The following BRMS1L variants were observed in gnomAD, a reference collection of about 807,000 sequenced individuals.
BRMS1L encodes BRMS1 like transcriptional repressor, also known as breast cancer metastasis-suppressor 1-like protein.
A neutral mutation model predicts 50.3 loss-of-function variants in BRMS1L; 23 were observed. The observed-to-expected ratio is 0.46, with a 90% CI of 0.33 to 0.65. The LOEUF (loss-of-function observed/expected upper bound fraction) is 0.65, where lower values mean the gene tolerates loss of function less well. BRMS1L is among the 30% of genes least tolerant of loss of function. The pLI is 0.02. For missense variants in BRMS1L, 286 were observed against 386.1 expected (o/e 0.74, Z 2.17); for synonymous variants, 114 against 126.9 (o/e 0.90, Z 0.69).
rs80266266 is a variant in BRMS1L, at chr14:35,859,254, G to A, written c.442-3336G>A. ...CCACCGTGCCTGGCCCATCCTACCCGTATTCAAGAAAGAGTATTAGTCTCT... is the reference window on the plus strand; with the variant it reads ...CCACCGTGCCTGGCCCATCCTACCCATATTCAAGAAAGAGTATTAGTCTCT... On this transcript the variant is annotated intron_variant, in intron 4 of 9. Coordinates refer to ENST00000216807, the MANE Select transcript of BRMS1L (RefSeq NM_032352.4). Among the ~76,000 whole-genome samples the A allele has an allele frequency of 5.3e-3, 800 of 152,054 alleles. 10 individuals carry two copies. The highest frequency in any genetic ancestry group is 0.018 in the African/African-American group (736 of 41,508).
chr14:35,868,550 T>TG (rs901007259), intron 9 of BRMS1L, among the ~76,000 whole-genome samples: 112 of 152,276 alleles, frequency 7.4e-4, no homozygotes, highest in African/African-American at 2.6e-3. Flanking sequence ...TTTGGGAAGC[T>TG]GAGGCAGGAT....
intron 6 of BRMS1L, among the ~76,000 whole-genome samples, 175 bp from the exon 7 acceptor site, chr14:35,864,760 A>G (rs1409260811): frequency 1.3e-5 from 2 of 152,200 alleles, no homozygotes; most frequent in Admixed American, 1.3e-4. Context: ...CATCAGAAGT[A>G]CTAGACTGTA....
intron 9 of BRMS1L, among the ~76,000 whole-genome samples, chr14:35,869,960 G>A (rs977116389): frequency 4.6e-5 from 7 of 151,936 alleles, no homozygotes; most frequent in Non-Finnish European, 1.0e-4. Context: ...TATAAGTACC[G>A]TAGATGGTTT....
intron 1 of BRMS1L, among the ~76,000 whole-genome samples, chr14:35,830,709 A>G (rs1331502882): frequency 6.6e-6 from 1 of 152,158 alleles, no homozygotes; most frequent in Non-Finnish European, 1.5e-5. Flanking sequence ...CAGTTCTGAA[A>G]GAAGAATCCC....
intron 8 of BRMS1L, among the ~76,000 whole-genome samples, chr14:35,866,616 G>T (rs1202548584): frequency 6.6e-6 from 1 of 152,004 alleles, no homozygotes; most frequent in Non-Finnish European, 1.5e-5. Flanking sequence ...GAGGTGGGAG[G>T]ATCACCTGAG....
chr14:35,845,021 T>C (rs1016729395), intron 4 of BRMS1L, among the ~76,000 whole-genome samples: 9 of 152,142 alleles, frequency 5.9e-5, no homozygotes, highest in African/African-American at 2.2e-4. Context: ...GTTAGGACTA[T>C]AGGCATATGC....
intron 4 of BRMS1L, among the ~76,000 whole-genome samples, chr14:35,849,268 C>A (rs1325214865): frequency 6.6e-6 from 1 of 152,082 alleles, no homozygotes; most frequent in African/African-American, 2.4e-5. Flanking sequence ...TTCCTGCTAC[C>A]AACACTTGTT....
rs1483392124 is a variant in BRMS1L, at chr14:35,831,494, A to G, written c.227A>G (p.Lys76Arg). The G allele has an allele frequency of 1.9e-6, 3 of 1,610,694 alleles. No homozygotes were observed. Among genetic ancestry groups the G allele is most frequent in the South Asian group, 2.2e-5 (2 of 90,966 alleles). Residue 76 changes from lysine to arginine, a missense_variant, in exon 2 of 10, where the codon AAA becomes AGA. By Grantham distance (26) the Lys-to-Arg change is conservative. This residue lies in a region of BRMS1L where 160 missense variants were observed against 240.6 expected (regional missense o/e 0.66). Coordinates refer to ENST00000216807, the MANE Select transcript of BRMS1L (RefSeq NM_032352.4). ...SNLEKQFTDLKDQLYKERLSQ... is the reference protein window; with the variant it reads ...SNLEKQFTDLRDQLYKERLSQ... ...CTTGAAAAACAGTTTACCGATCTCA[A>G]AGATCAGTAAGTAGTGACTTTAGAA...
At position 35,863,943 on chromosome 14, in the gene BRMS1L, T is replaced by C. The variant is rs1302915590; in HGVS notation, c.612T>C (p.Val204=). The part of the protein sequence containing the change: ...DPFSPDKKKP[V]VVSGPYIVYM... ...TCAGTCCTGACAAAAAGAAGCCAGT[T>C]GTTGTTTCAGATATCCTTTTCCAAA... Residue 204 remains valine (V), a synonymous_variant, in exon 6 of 10, where the codon GTT becomes GTC. Transcript: ENST00000216807. The C allele has an allele frequency of 6.2e-7, 1 of 1,613,736 alleles. No individual in the cohort carries two copies.
intron 4 of BRMS1L, among the ~76,000 whole-genome samples, chr14:35,857,245 A>T (rs1026201812): frequency 6.8e-6 from 1 of 146,326 alleles, no homozygotes; most frequent in African/African-American, 2.6e-5. Flanking sequence ...CGTCTCAAAA[A>T]AAAAAATATA....
intron 4 of BRMS1L, among the ~76,000 whole-genome samples, chr14:35,839,778 C>T (rs10141014): frequency 0.059 from 8,972 of 152,230 alleles, 546 homozygotes; most frequent in African/African-American, 0.15. Flanking sequence ...TGGGCTGAGA[C>T]GATGGGGTTA....
intron 4 of BRMS1L, among the ~76,000 whole-genome samples, chr14:35,851,270 T>A (rs2078207610): frequency 6.6e-6 from 1 of 151,634 alleles, no homozygotes; most frequent in Non-Finnish European, 1.5e-5. Context: ...AAAGGTTGAA[T>A]AAACTCTGCT....
chr14:35,828,471 C>CT (rs780984053), intron 1 of BRMS1L, among the ~76,000 whole-genome samples: 4,186 of 99,252 alleles, frequency 0.042, 365 homozygotes, highest in African/African-American at 0.13. Context: ...CATTCCCAGC[C>CT]TTTTTTTTTT....
chr14:35,844,130 G>A (rs2078100877), intron 4 of BRMS1L, among the ~76,000 whole-genome samples: 1 of 152,162 alleles, frequency 6.6e-6, no homozygotes, highest in African/African-American at 2.4e-5. Context: ...GGCTTCATGG[G>A]GTTGGCATCT....
At chr14:35,865,877 C>G in intron 8 of BRMS1L, 116 bp downstream of exon 8, 1 of 903,852 alleles carries the variant, frequency 1.1e-6, no homozygotes, top group Non-Finnish European at 1.7e-6. Context: ...CAGTGAACAC[C>G]GTGCCTGAAA....
chr14:35,845,572 T>C (rs1163206333), intron 4 of BRMS1L, among the ~76,000 whole-genome samples: 1 of 152,254 alleles, frequency 6.6e-6, no homozygotes, highest in Non-Finnish European at 1.5e-5. Context: ...TTCTTCTGTG[T>C]TTGCAAGTGA....
chr14:35,850,417 A>G (rs7148822), intron 4 of BRMS1L, among the ~76,000 whole-genome samples: 49,794 of 150,832 alleles, frequency 0.33, 10,809 homozygotes, highest in African/African-American at 0.61. Flanking sequence ...ATGTTGTTCA[A>G]GCTGGTCTTG....
chr14:35,832,790 C>T (rs10141289), intron 2 of BRMS1L, among the ~76,000 whole-genome samples, 188 bp from the exon 3 acceptor site: 29,799 of 151,884 alleles, frequency 0.2, 3,078 homozygotes, highest in East Asian at 0.35. Context: ...TAGATAGATA[C>T]CTGTTTTGTG....
chr14:35,846,527 T>C (rs2078137049), intron 4 of BRMS1L, among the ~76,000 whole-genome samples: 1 of 152,222 alleles, frequency 6.6e-6, no homozygotes, highest in African/African-American at 2.4e-5. Flanking sequence ...GATCTTTACA[T>C]TTTTGAAAAT....
Sources: gnomAD v4.1 joint callset for allele counts (sites outside exome capture counted in the v4.1 genomes callset) on GRCh38, gnomAD v4.1.1 for gene constraint, gnomAD v4.1.1 regional missense constraint, MANE v1.5 for transcripts, NCBI Gene and HGNC (gene_info 2026-07-23, HGNC 2026-07-21) for gene names.